The following LRP11 variants were observed in gnomAD, a reference collection of about 807,000 sequenced individuals.
LRP11 encodes the protein LDL receptor related protein 11.
In LRP11, 25 loss-of-function variants were observed where a neutral mutation model predicts 43.1. The observed-to-expected ratio is 0.58, with a 90% confidence interval of 0.42 to 0.81. The LOEUF (loss-of-function observed/expected upper bound fraction) is 0.81. Ranked by LOEUF, LRP11 falls within the 30% of genes least tolerant of loss-of-function variation. The pLI, the probability that LRP11 is intolerant of heterozygous loss-of-function variation, is 0.00. For missense variants in LRP11, 623 were observed against 665.1 expected (o/e 0.94, Z 0.70); for synonymous variants, 316 against 299.4 (o/e 1.06, Z -0.57).
chr6:149,822,927 T>A (rs1776294816), intron 6 of LRP11, among the ~76,000 whole-genome samples: 1 of 152,122 alleles, frequency 6.6e-6, no homozygotes, highest in South Asian at 2.1e-4. Flanking sequence ...TAGCTGGGCC[T>A]AAATATGTGG....
chr6:149,842,638 C>A (rs1422838131), intron 3 of LRP11: 1 of 1,550,882 alleles, frequency 6.4e-7, no homozygotes, highest in East Asian at 2.4e-5. Context: ...AACTCCTTAG[C>A]TTCCCTCTTG....
chr6:149,825,237 C>T (rs1026134467), intron 6 of LRP11, among the ~76,000 whole-genome samples: 1 of 152,176 alleles, frequency 6.6e-6, no homozygotes, highest in African/African-American at 2.4e-5. Flanking sequence ...AGACTAAAGC[C>T]TGCCTTTCTA....
Position 149,863,682 on chromosome 6 carries a change from C to T in LRP11, c.339G>A (p.Ala113=). ...CCGGCGCCCGCAGGAAGCTGGCACC[C>T]GCCGCCAGGGAGTCCTTGGTGCGGA... The part of the protein sequence containing the change: ...AIIRTKDSLA[A]GASFLRAPAA... The change falls in exon 1 of 7, where the codon GCG becomes GCA. Residue 113 remains alanine (A), a synonymous_variant. Coordinates refer to ENST00000239367, the MANE Select transcript of LRP11 (RefSeq NM_032832.6). 3 of 1,476,990 alleles carry T rather than the reference C, an allele frequency of 2.0e-6. No homozygotes were observed. The highest frequency in any genetic ancestry group is 1.8e-6 in the Non-Finnish European group (2 of 1,120,954). 91.5% of individuals were successfully genotyped at this position (1,476,990 alleles called of 1,614,324 possible). A position where few individuals can be genotyped will look rare whatever the true frequency, so the allele number is the denominator to read the frequency against.
At position 149,835,585 on chromosome 6, in the gene LRP11, G is replaced by A. The variant is rs1367357332; in HGVS notation, c.1252+500C>T. Among the ~76,000 whole-genome samples, 3 of 152,128 alleles carry A rather than the reference G, an allele frequency of 2.0e-5. No homozygotes were observed. The East Asian group carries it at 5.8e-4, about 29-fold the overall frequency. ...ATCGCGTCACTGTACTCCAGCCTGG[G>A]AAACAGAGTGAGACCCTGTCTCAAA... On this transcript the variant is annotated intron_variant, in intron 5 of 6. Coordinates refer to ENST00000239367, the MANE Select transcript of LRP11 (RefSeq NM_032832.6).
At chr6:149,858,940 C>T (rs1011529922) in intron 1 of LRP11, among the ~76,000 whole-genome samples, 1 of 152,166 alleles carries the variant, frequency 6.6e-6, no homozygotes, top group African/African-American at 2.4e-5. Context: ...TTTCCAATTA[C>T]TTTCCAAGAG....
At chr6:149,862,497 T>A (rs1333963536) in intron 1 of LRP11, among the ~76,000 whole-genome samples, 2 of 151,892 alleles carry the variant, frequency 1.3e-5, no homozygotes, top group Admixed American at 6.6e-5. Flanking sequence ...ATTCAGAGCA[T>A]CTACAAAAAG....
At chr6:149,825,551 T>G (rs1291035517) in intron 6 of LRP11, among the ~76,000 whole-genome samples, 5 of 152,176 alleles carry the variant, frequency 3.3e-5, no homozygotes, top group African/African-American at 1.2e-4. Flanking sequence ...TCAGCAACCC[T>G]ATGAGGCAGG....
At position 149,842,706 on chromosome 6, in the gene LRP11, C is replaced by T. The variant is rs1776567080; in HGVS notation, c.913+277G>A. On this transcript the variant is annotated intron_variant, in intron 3 of 6. Coordinates refer to ENST00000239367, the MANE Select transcript of LRP11 (RefSeq NM_032832.6). ...AAACAAAGTCCTCTCCCAGAATAGC[C>T]AAGCAATTGTCTTTGATGAAGTCGA... 2.6e-6 allele frequency: 4 copies of T among 1,548,614 alleles called. No individual in the cohort carries two copies. In the East Asian group the frequency reaches 9.8e-5, roughly 38 times the overall value.
In LRP11 at chr6:149,863,549, G is replaced by A; in HGVS notation, c.472C>T (p.Leu158Phe). ...PRRPAPPAAVLGCYLFNCTAR... is the reference protein window; with the variant it reads ...PRRPAPPAAVFGCYLFNCTAR... Reference sequence around the variant, plus strand: ...GTGCAGTTGAAGAGGTAGCAGCCGAGCACGGCTGCCGGGGGCGCGGGGCGC... The same window carrying A: ...GTGCAGTTGAAGAGGTAGCAGCCGAACACGGCTGCCGGGGGCGCGGGGCGC... The change falls in exon 1 of 7, where the codon CTC (leucine) becomes TTC (phenylalanine). Residue 158 changes from leucine to phenylalanine, a missense_variant. Coordinates refer to ENST00000239367, the MANE Select transcript of LRP11 (RefSeq NM_032832.6). 7.3e-7 allele frequency: 1 copy of A among 1,371,744 alleles called. No homozygotes were observed. Among genetic ancestry groups the A allele is most frequent in the South Asian group, 1.7e-5 (1 of 58,640 alleles). The allele number at this position is 1,371,744 out of a possible 1,614,324, so 85.0% of individuals were successfully genotyped here.
In LRP11 at chr6:149,864,288, C is replaced by T; in HGVS notation, c.-268G>A. 9.5e-7 allele frequency: 1 copy of T among 1,050,070 alleles called. No individual in the cohort carries two copies. Among genetic ancestry groups the T allele is most frequent in the Non-Finnish European group, 1.1e-6 (1 of 873,130 alleles). The allele number at this position is 1,050,070 out of a possible 1,614,324, so 65.0% of individuals were successfully genotyped here. On this transcript the variant is annotated 5_prime_UTR_variant, in exon 1 of 7. Coordinates refer to ENST00000239367, the MANE Select transcript of LRP11 (RefSeq NM_032832.6). ...TGCCCAGCGCCCTGCGCCTCTCCGCCCCGGCCTGCGGCGCGCTGGGTGGCG... is the reference window on the plus strand; with the variant it reads ...TGCCCAGCGCCCTGCGCCTCTCCGCTCCGGCCTGCGGCGCGCTGGGTGGCG...
At chr6:149,830,871 C>T (rs1776400262) in intron 5 of LRP11, among the ~76,000 whole-genome samples, 1 of 152,110 alleles carries the variant, frequency 6.6e-6, no homozygotes, top group Non-Finnish European at 1.5e-5. Flanking sequence ...GGAACCTGGC[C>T]CTGCCTTCTG....
intron 3 of LRP11, among the ~76,000 whole-genome samples, chr6:149,841,692 C>T (rs948552884): frequency 2.6e-5 from 4 of 152,160 alleles, no homozygotes; most frequent in Non-Finnish European, 2.9e-5. Flanking sequence ...GCGGGTGGAT[C>T]ACCTGAGGTC....
At chr6:149,857,504 CAAAAAAA>C (rs78898379) in intron 1 of LRP11, among the ~76,000 whole-genome samples, 1 of 120,874 alleles carries the variant, frequency 8.3e-6, no homozygotes, top group Non-Finnish European at 1.8e-5. Context: ...GTCCCTGTGT[CAAAAAAA>C]AAAAAAAAAG....
intron 2 of LRP11, among the ~76,000 whole-genome samples, chr6:149,847,059 C>T (rs1387567288): frequency 6.6e-6 from 1 of 152,064 alleles, no homozygotes; most frequent in Non-Finnish European, 1.5e-5. Flanking sequence ...GTGTACCATC[C>T]ATGAGGCTGC....
intron 1 of LRP11, among the ~76,000 whole-genome samples, chr6:149,859,486 C>T (rs1231216641): frequency 6.8e-6 from 1 of 148,142 alleles, no homozygotes; most frequent in Non-Finnish European, 1.5e-5. Context: ...ACCTCCGACT[C>T]CAGGGTTTAA....
At position 149,864,052 on chromosome 6, in the gene LRP11, CG is replaced by C; in HGVS notation, c.-33del. On this transcript the variant is annotated 5_prime_UTR_variant, in exon 1 of 7. Coordinates refer to ENST00000239367, the MANE Select transcript of LRP11 (RefSeq NM_032832.6). ...GAGAGCCAAGGGCAGCGAGCCGAGG[CG>C]GGGCTGAGCGCGGGAGGAAGGCGGG... The C allele has an allele frequency of 7.8e-7, 1 of 1,281,388 alleles. No individual in the cohort carries two copies. Among genetic ancestry groups the C allele is most frequent in the Non-Finnish European group, 9.8e-7 (1 of 1,018,214 alleles). 79.4% of individuals were successfully genotyped at this position (1,281,388 alleles called of 1,614,324 possible). A position where few individuals can be genotyped will look rare whatever the true frequency, so the allele number is the denominator to read the frequency against.
chr6:149,843,977 G>T (rs942426524), intron 2 of LRP11, among the ~76,000 whole-genome samples: 40 of 152,152 alleles, frequency 2.6e-4, no homozygotes, highest in African/African-American at 9.7e-4. Flanking sequence ...ATGCTTGGTT[G>T]GGCACGGTGG....
At chr6:149,826,071 C>T in intron 6 of LRP11, 193 bp downstream of exon 6, 1 of 576,576 alleles carries the variant, frequency 1.7e-6, no homozygotes, top group Non-Finnish European at 3.2e-6. Context: ...CAGCTGAGGT[C>T]CAAAGATGGA....
At position 149,842,769 on chromosome 6, in the gene LRP11, A is replaced by G. The variant is rs763691306; in HGVS notation, c.913+214T>C. On this transcript the variant is annotated intron_variant, in intron 3 of 6. Transcript: ENST00000239367. Reference sequence around the variant, plus strand: ...GGGAGCATCTCTTCTCATCCCCTGGAGTGCTTCCTCCACCCCAACCCAGTA... The same window carrying G: ...GGGAGCATCTCTTCTCATCCCCTGGGGTGCTTCCTCCACCCCAACCCAGTA... The G allele has an allele frequency of 3.8e-4, 523 of 1,358,670 alleles. 2 individuals are homozygous for G. Among genetic ancestry groups the G allele is most frequent in the Non-Finnish European group, 3.0e-4 (296 of 975,592 alleles). The allele number at this position is 1,358,670 out of a possible 1,614,324, so 84.2% of individuals were successfully genotyped here.
Sources: gnomAD v4.1 joint callset for allele counts (sites outside exome capture counted in the v4.1 genomes callset) on GRCh38, gnomAD v4.1.1 for gene constraint, MANE v1.5 for transcripts, NCBI Gene and HGNC (gene_info 2026-07-23, HGNC 2026-07-21) for gene names.